The following DIAPH3 variants were observed in gnomAD, a reference collection of about 807,000 sequenced individuals.
DIAPH3 encodes the protein diaphanous related formin 3.
DIAPH3 carries 117 observed loss-of-function variants against 144.3 expected under a neutral mutation model. The ratio of observed to expected loss-of-function variants is 0.81; its 90% CI spans 0.70 to 0.95. The LOEUF (loss-of-function observed/expected upper bound fraction) is 0.95, where lower values mean the gene tolerates loss of function less well. Ranked by LOEUF, DIAPH3 falls within the 40% of genes least tolerant of loss-of-function variation. DIAPH3 has a pLI of 0.00. For missense variants in DIAPH3, 1,421 were observed against 1,412.7 expected (o/e 1.01, Z -0.09); for synonymous variants, 519 against 488.9 (o/e 1.06, Z -0.81).
intron 4 of DIAPH3, among the ~76,000 whole-genome samples, chr13:60,048,359 T>C (rs1318097909): frequency 6.6e-6 from 1 of 152,222 alleles, no homozygotes; most frequent in Non-Finnish European, 1.5e-5. Flanking sequence ...AGAACTCCTA[T>C]AACTCAATAG....
rs1235131041 is a variant in DIAPH3 at position 59,697,226 on chromosome 13, G to A, written c.3320-30380C>T. Among the ~76,000 whole-genome samples the A allele has an allele frequency of 4.6e-5, 7 of 151,626 alleles. No individual in the cohort carries two copies. In the East Asian group the frequency reaches 7.9e-4, roughly 17 times the overall value. Reference sequence around the variant, plus strand: ...TGTAATCCCAGCACTTTGGGAGGCCGAGGCGGGCGGATCACGAGATCAGGA... The same window carrying A: ...TGTAATCCCAGCACTTTGGGAGGCCAAGGCGGGCGGATCACGAGATCAGGA... On this transcript the variant is annotated intron_variant, in intron 27 of 27. Coordinates refer to ENST00000400324, the MANE Select transcript of DIAPH3 (RefSeq NM_001042517.2).
At chr13:59,744,140 A>G (rs1048167256) in intron 27 of DIAPH3, among the ~76,000 whole-genome samples, 9 of 152,234 alleles carry the variant, frequency 5.9e-5, no homozygotes, top group African/African-American at 2.2e-4. Context: ...CTGCATGTAT[A>G]TAACTTTTCA....
At chr13:59,697,768 T>C (rs978586926) in intron 27 of DIAPH3, among the ~76,000 whole-genome samples, 9 of 152,110 alleles carry the variant, frequency 5.9e-5, no homozygotes, top group African/African-American at 1.9e-4. Context: ...GAGAAAAAGA[T>C]TACCTATTGA....
Position 59,851,289 on chromosome 13 carries a change from C to A in DIAPH3, c.2737+10118G>T, listed in dbSNP as rs567038769. On this transcript the variant is annotated intron_variant, in intron 22 of 27. Transcript: ENST00000400324. The stretch of plus-strand genomic sequence containing the variant: ...CTCTCCCTCTGCTCCAGTCTCACTT[C>A]CATACCTTGAGGCCTTTACACTTGC... 2.0e-4 allele frequency among the ~76,000 whole-genome samples: 30 copies of A among 152,292 alleles called. No homozygotes were observed. In the South Asian group the frequency reaches 5.4e-3, roughly 27 times the overall value.
intron 4 of DIAPH3, among the ~76,000 whole-genome samples, chr13:60,065,439 T>A (rs1400407309): frequency 6.6e-6 from 1 of 152,104 alleles, no homozygotes; most frequent in Non-Finnish European, 1.5e-5. Context: ...CCTAATAAAA[T>A]GTAAGCTACA....
chr13:60,140,708 G>T (rs1371526295), intron 1 of DIAPH3, among the ~76,000 whole-genome samples: 2 of 151,842 alleles, frequency 1.3e-5, no homozygotes, highest in African/African-American at 4.8e-5. Context: ...TTTTAATACA[G>T]AAAGTATTTT....
chr13:60,069,369 G>T (rs184198930), intron 4 of DIAPH3, among the ~76,000 whole-genome samples: 1 of 152,132 alleles, frequency 6.6e-6, no homozygotes, highest in East Asian at 1.9e-4. Flanking sequence ...ATAGATTCTG[G>T]ATATCAGACC....
intron 27 of DIAPH3, among the ~76,000 whole-genome samples, chr13:59,701,615 C>T (rs2138754866): frequency 6.6e-6 from 1 of 152,330 alleles, no homozygotes; most frequent in Middle Eastern, 3.4e-3. Context: ...AAATGTTTAG[C>T]TCATTCAAGA....
chr13:59,749,519 C>CAAAAAAA (rs60918644), intron 27 of DIAPH3, among the ~76,000 whole-genome samples: 1 of 51,206 alleles, frequency 2.0e-5, no homozygotes, highest in Non-Finnish European at 3.8e-5. Context: ...GACTCCATCT[C>CAAAAAAA]AAAAAAAAAA....
chr13:59,895,846 A>T (rs948093176), intron 20 of DIAPH3, among the ~76,000 whole-genome samples: 3 of 152,232 alleles, frequency 2.0e-5, no homozygotes, highest in African/African-American at 7.2e-5. Flanking sequence ...AAGTGTACAC[A>T]TTCACTGGGC....
intron 1 of DIAPH3, among the ~76,000 whole-genome samples, chr13:60,150,909 G>A (rs1163185212): frequency 6.6e-6 from 1 of 152,156 alleles, no homozygotes; most frequent in African/African-American, 2.4e-5. Flanking sequence ...TGGGTTTAGT[G>A]TGGAGCAAAT....
In DIAPH3 at chr13:59,895,887, C is replaced by A. The variant is rs1422209066; in HGVS notation, c.2367+15848G>T. ...AAGGATGGACAGGGGAATCCTCTCC[C>A]ATTTGGGTCTTTTATTTCTGAAGAC... is the stretch of plus-strand genomic sequence containing the variant. On this transcript the variant is annotated intron_variant, in intron 20 of 27. Transcript: ENST00000400324. Among the ~76,000 whole-genome samples the A allele has an allele frequency of 5.3e-5, 8 of 152,296 alleles. No homozygotes were observed. In the South Asian group the frequency reaches 1.2e-3, roughly 24 times the overall value.
intron 24 of DIAPH3, among the ~76,000 whole-genome samples, chr13:59,818,507 C>T (rs1411614424): frequency 2.6e-5 from 4 of 151,326 alleles, no homozygotes; most frequent in African/African-American, 9.7e-5. Context: ...CTTTAGTGTT[C>T]TGCAGCTTCA....
At chr13:60,024,374 C>T (rs147016063) in intron 5 of DIAPH3, among the ~76,000 whole-genome samples, 72 of 152,242 alleles carry the variant, frequency 4.7e-4, no homozygotes, top group African/African-American at 1.6e-3. Context: ...CCTCATGTTT[C>T]GCTTTTGAGG....
intron 17 of DIAPH3, among the ~76,000 whole-genome samples, chr13:59,967,271 C>T (rs2050112257): frequency 6.6e-6 from 1 of 151,622 alleles, no homozygotes. Context: ...ATGAGGGTCT[C>T]ATCATGTTGG....
chr13:60,144,019 A>G (rs2138334979), intron 1 of DIAPH3, among the ~76,000 whole-genome samples: 1 of 152,266 alleles, frequency 6.6e-6, no homozygotes, highest in African/African-American at 2.4e-5. Context: ...TTTGTTTACA[A>G]TTCCCTTGGG....
At chr13:59,685,681 G>A (rs1198024333) in intron 27 of DIAPH3, among the ~76,000 whole-genome samples, 1 of 152,050 alleles carries the variant, frequency 6.6e-6, no homozygotes. Context: ...TCTGTTGAAA[G>A]GGGGGACTCT....
intron 14 of DIAPH3, among the ~76,000 whole-genome samples, chr13:59,979,627 TATA>T (rs953657147): frequency 4.0e-5 from 6 of 151,660 alleles, no homozygotes; most frequent in African/African-American, 1.4e-4. Flanking sequence ...TTAGGACATT[TATA>T]ATGTTTTACC....
At chr13:59,824,536 C>T (rs1364923451) in intron 24 of DIAPH3, among the ~76,000 whole-genome samples, 7 of 152,108 alleles carry the variant, frequency 4.6e-5, no homozygotes, top group African/African-American at 1.7e-4. Flanking sequence ...CAGGTTTCAT[C>T]AATCACTTAA....
Sources: gnomAD v4.1 joint callset for allele counts (sites outside exome capture counted in the v4.1 genomes callset) on GRCh38, gnomAD v4.1.1 for gene constraint, MANE v1.5 for transcripts, NCBI Gene and HGNC (gene_info 2026-07-23, HGNC 2026-07-21) for gene names.